The following RBFOX1 variants were observed in gnomAD, a reference collection of about 807,000 sequenced individuals.
RBFOX1 encodes RNA binding protein fox-1 homolog 1.
A neutral mutation model predicts 57.7 loss-of-function variants in RBFOX1; 8 were observed. The observed-to-expected ratio is 0.14, with a 90% CI of 0.08 to 0.25. The LOEUF (loss-of-function observed/expected upper bound fraction) is 0.25. Among genes scored for constraint, RBFOX1 ranks in the 10% least tolerant of loss-of-function variants. The pLI is 1.00. For missense variants in RBFOX1, 611 were observed against 548.5 expected, an observed-to-expected ratio of 1.11 and a Z score of -1.14; for synonymous variants, 326 against 222.4, an observed-to-expected ratio of 1.47 and a Z score of -4.15.
chr16:6,292,821 C>T lies in RBFOX1; in HGVS notation c.-126-24174C>T, dbSNP rs939452591. ...AATAAATAGTTAACTGAAACTCAGC[C>T]TGGGAGCTACATTTCTGAGCACTTC... On this transcript the variant is annotated intron_variant, in intron 1 of 15. Coordinates refer to ENST00000550418, the MANE Select transcript of RBFOX1 (RefSeq NM_018723.4). 2.0e-5 allele frequency among the ~76,000 whole-genome samples: 3 copies of T among 152,288 alleles called. No homozygotes were observed. The East Asian group carries it at 5.8e-4, about 29-fold the overall frequency.
intron 3 of RBFOX1, among the ~76,000 whole-genome samples, chr16:6,777,867 CAG>C (rs1405549695): frequency 6.6e-6 from 1 of 152,128 alleles, no homozygotes. Flanking sequence ...TCAGAGGTGT[CAG>C]AGCTGCCCAA....
At chr16:6,610,007 C>T (rs1410022429) in intron 2 of RBFOX1, among the ~76,000 whole-genome samples, 1 of 136,120 alleles carries the variant, frequency 7.3e-6, no homozygotes, top group African/African-American at 2.9e-5. Flanking sequence ...GGCTCTGACA[C>T]AAAACAAAAC....
At chr16:5,579,095 G>T (rs922889558) in intron 2 of RBFOX1, among the ~76,000 whole-genome samples, 1 of 152,014 alleles carries the variant, frequency 6.6e-6, no homozygotes, top group Non-Finnish European at 1.5e-5. Flanking sequence ...TGATCCCACT[G>T]CCTCAGCCTC....
rs1243786593 is a variant in RBFOX1, at chr16:6,019,137, T to C, written c.-982T>C. 1 of 984,548 alleles carries C rather than the reference T, an allele frequency of 1.0e-6. No individual in the cohort carries two copies. Among genetic ancestry groups the C allele is most frequent in the East Asian group, 1.1e-4 (1 of 8,716 alleles). 61.0% of individuals were successfully genotyped at this position (984,548 alleles called of 1,614,324 possible). On this transcript the variant is annotated 5_prime_UTR_variant, in exon 1 of 16. Coordinates refer to ENST00000550418, the MANE Select transcript of RBFOX1 (RefSeq NM_018723.4). The surrounding 1 kb of genome is among the most constrained non-coding windows in gnomAD (Gnocchi z 4.2). The stretch of plus-strand genomic sequence containing the variant: ...CACATTTTCTCGCGCTCTCTCCGGC[T>C]CTCCTTTGTTTATTTTCTAATCTAT...
chr16:7,132,059 T>C (rs893328133), intron 4 of RBFOX1, among the ~76,000 whole-genome samples: 3 of 147,230 alleles, frequency 2.0e-5, no homozygotes, highest in African/African-American at 7.5e-5. Flanking sequence ...TGGCACAATA[T>C]CAGGTCACTG....
chr16:5,348,021 A>G (rs1216826519), intron 1 of RBFOX1, among the ~76,000 whole-genome samples: 1 of 85,776 alleles, frequency 1.2e-5, no homozygotes, highest in Non-Finnish European at 2.3e-5. Context: ...CCATCCCCCC[A>G]CCTACCCACC....
Position 6,165,239 on chromosome 16 carries a change from C to A in RBFOX1, c.-127+145247C>A, listed in dbSNP as rs1008718190. Among the ~76,000 whole-genome samples the A allele has an allele frequency of 2.0e-5, 3 of 152,172 alleles. No individual in the cohort carries two copies. In the East Asian group the frequency reaches 5.8e-4, roughly 29 times the overall value. ...GTAAAATGATGAATGAAAGGCTTTA[C>A]ATACAGCAAGTGCTTAATAAATGAC... On this transcript the variant is annotated intron_variant, in intron 1 of 15. Transcript: ENST00000550418.
intron 4 of RBFOX1, among the ~76,000 whole-genome samples, chr16:7,137,483 C>T (rs924620616): frequency 1.3e-5 from 2 of 152,086 alleles, no homozygotes; most frequent in Admixed American, 1.3e-4. Context: ...TCTCTCTTGC[C>T]CGCTGCCAAT....
chr16:6,025,075 T>A (rs942017029), intron 1 of RBFOX1, among the ~76,000 whole-genome samples: 1 of 152,148 alleles, frequency 6.6e-6, no homozygotes, highest in Non-Finnish European at 1.5e-5. Context: ...TGGGAAACCA[T>A]TGGGGGATTT....
intron 3 of RBFOX1, among the ~76,000 whole-genome samples, chr16:6,772,437 T>C (rs2078457106): frequency 6.6e-6 from 1 of 152,008 alleles, no homozygotes; most frequent in Non-Finnish European, 1.5e-5. Flanking sequence ...TGTGTGTGTG[T>C]GTGTGTATGT....
rs1420381906 is a variant in RBFOX1 at position 6,013,421 on chromosome 16, C to T, written c.351+146086C>T. 3.3e-5 allele frequency among the ~76,000 whole-genome samples: 5 copies of T among 152,110 alleles called. No individual in the cohort carries two copies. In the East Asian group the frequency reaches 9.7e-4, roughly 29 times the overall value. ...TTGGTGCTGCAGATTACTGAACCTC[C>T]CTTTGTATTTTTTTACTCTAAGACC... On this transcript the variant is annotated intron_variant, in intron 4 of 19. Transcript: ENST00000641259.
At chr16:5,882,272 G>A (rs1297670263) in intron 4 of RBFOX1, among the ~76,000 whole-genome samples, 3 of 152,132 alleles carry the variant, frequency 2.0e-5, no homozygotes, top group African/African-American at 7.2e-5. Context: ...TTACAGATTG[G>A]GCAACTGAGG....
chr16:6,915,472 C>G (rs771003103), intron 3 of RBFOX1, among the ~76,000 whole-genome samples: 1 of 152,014 alleles, frequency 6.6e-6, no homozygotes, highest in African/African-American at 2.4e-5. Flanking sequence ...ATTCCTTAAA[C>G]AAATGACTTC....
intron 4 of RBFOX1, among the ~76,000 whole-genome samples, chr16:7,473,688 G>T (rs529751362): frequency 6.6e-6 from 1 of 151,904 alleles, no homozygotes; most frequent in South Asian, 2.1e-4. Flanking sequence ...GAAAGAGAGA[G>T]AATGTGGTGG....
chr16:7,280,433 C>G lies in RBFOX1; in HGVS notation c.27+228335C>G, dbSNP rs200043823. 1.2e-4 allele frequency among the ~76,000 whole-genome samples: 19 copies of G among 152,296 alleles called. No individual in the cohort carries two copies. In the East Asian group the frequency reaches 2.7e-3, roughly 22 times the overall value. The stretch of plus-strand genomic sequence containing the variant: ...ATGTCCAAGGGATCCCCAGGATCAC[C>G]TCACCTTTGTCCAAAGAGAATAATA... On this transcript the variant is annotated intron_variant, in intron 4 of 15. Coordinates refer to ENST00000550418, the MANE Select transcript of RBFOX1 (RefSeq NM_018723.4).
At chr16:6,986,845 A>C (rs905229141) in intron 3 of RBFOX1, among the ~76,000 whole-genome samples, 3 of 152,128 alleles carry the variant, frequency 2.0e-5, no homozygotes, top group Admixed American at 1.3e-4. Flanking sequence ...GTCTTGGTTG[A>C]TGATTTATTA....
chr16:7,158,180 C>G (rs1313801039), intron 4 of RBFOX1, among the ~76,000 whole-genome samples: 2 of 152,008 alleles, frequency 1.3e-5, no homozygotes, highest in African/African-American at 2.4e-5. Flanking sequence ...AACCCTGTCT[C>G]TATAAAAATA....
intron 4 of RBFOX1, among the ~76,000 whole-genome samples, chr16:7,385,182 A>C (rs7202219): frequency 1.3e-5 from 2 of 152,202 alleles, no homozygotes; most frequent in Non-Finnish European, 2.9e-5. Flanking sequence ...TATAAGTTTT[A>C]TATGAATTAC....
chr16:7,291,999 T>A (rs9924685), intron 4 of RBFOX1, among the ~76,000 whole-genome samples: 2 of 134,364 alleles, frequency 1.5e-5, no homozygotes, highest in African/African-American at 5.5e-5. Flanking sequence ...TATGATGTAT[T>A]ATATGTATTA....
Sources: gnomAD v4.1 joint callset for allele counts (sites outside exome capture counted in the v4.1 genomes callset) on GRCh38, gnomAD v4.1.1 for gene constraint, Gnocchi (gnomAD v3.1) non-coding constraint, MANE v1.5 for transcripts, NCBI Gene and HGNC (gene_info 2026-07-23, HGNC 2026-07-21) for gene names.